The following PATJ variants were observed in gnomAD, a reference collection of about 807,000 sequenced individuals.
The protein encoded by PATJ is PATJ crumbs cell polarity complex component.
In PATJ, 190 loss-of-function variants were observed where a neutral mutation model predicts 224.9. The observed-to-expected ratio is 0.84, with a 90% CI of 0.75 to 0.95. PATJ has a LOEUF of 0.95. Among genes scored for constraint, PATJ ranks in the 40% least tolerant of loss-of-function variants. The pLI, the probability that PATJ is intolerant of heterozygous loss-of-function variation, is 0.00. For synonymous variants in PATJ, 769 were observed against 820.3 expected (o/e 0.94, Z 1.07); for missense variants, 2,121 against 2,270.3 (o/e 0.93, Z 1.34).
intron 34 of PATJ, among the ~76,000 whole-genome samples, chr1:62,110,649 C>T (rs1457879079): frequency 6.6e-6 from 1 of 152,174 alleles, no homozygotes; most frequent in African/African-American, 2.4e-5. Flanking sequence ...TCATACCCTC[C>T]CCGCAGTCTG....
At chr1:62,063,270 C>T (rs1024873458) in intron 31 of PATJ, among the ~76,000 whole-genome samples, 1 of 152,138 alleles carries the variant, frequency 6.6e-6, no homozygotes, top group Non-Finnish European at 1.5e-5. Flanking sequence ...GGAACCTTTC[C>T]ACATTTCTTA....
intron 27 of PATJ, among the ~76,000 whole-genome samples, chr1:61,984,720 G>A (rs75348443): frequency 6.6e-6 from 1 of 152,156 alleles, no homozygotes; most frequent in East Asian, 1.9e-4. Context: ...GAATTAGCTA[G>A]AACATCTATA....
At chr1:61,952,371 C>A in intron 27 of PATJ, 3 of 716,546 alleles carry the variant, frequency 4.2e-6, no homozygotes, top group African/African-American at 1.7e-5. Context: ...AATGCAGATA[C>A]CCTGAAGGGA....
chr1:62,019,986 TAGTG>T (rs1646985439), intron 29 of PATJ, among the ~76,000 whole-genome samples: 1 of 151,614 alleles, frequency 6.6e-6, no homozygotes, highest in African/African-American at 2.4e-5. Context: ...CTGGGCAACA[TAGTG>T]AGACCAAATC....
intron 33 of PATJ, 43 bp downstream of exon 33, chr1:62,084,691 GT>G: frequency 6.3e-7 from 1 of 1,597,934 alleles, no homozygotes; most frequent in Non-Finnish European, 8.5e-7. Context: ...CATAGAACTA[GT>G]TGTTGAGGTT....
intron 24 of PATJ, among the ~76,000 whole-genome samples, chr1:61,907,621 C>T (rs1211054642): frequency 6.6e-6 from 1 of 152,144 alleles, no homozygotes; most frequent in Non-Finnish European, 1.5e-5. Flanking sequence ...TTCCTGTTTC[C>T]TCGGTCCTCT....
At chr1:61,746,094 A>AATATATAT (rs34430786) in intron 1 of PATJ, among the ~76,000 whole-genome samples, 13 of 148,246 alleles carry the variant, frequency 8.8e-5, no homozygotes, top group African/African-American at 3.2e-4. Context: ...ACCACTGGGT[A>AATATATAT]ATATATATAT....
chr1:61,753,103 A>G (rs1645422617), intron 1 of PATJ, among the ~76,000 whole-genome samples: 1 of 152,216 alleles, frequency 6.6e-6, no homozygotes, highest in South Asian at 2.1e-4. Context: ...TTTGTACTCC[A>G]AAGGAAACAA....
intron 27 of PATJ, among the ~76,000 whole-genome samples, chr1:61,988,047 A>AG (rs1395165916): frequency 1.3e-5 from 2 of 152,054 alleles, no homozygotes; most frequent in African/African-American, 2.4e-5. Flanking sequence ...AAAAATTAAA[A>AG]AATTAGCTGG....
At chr1:61,755,854 C>G (rs185355890) in intron 1 of PATJ, among the ~76,000 whole-genome samples, 5 of 152,084 alleles carry the variant, frequency 3.3e-5, no homozygotes, top group Admixed American at 6.5e-5. Flanking sequence ...CAGGCTGGAG[C>G]GCAGTGGCAT....
At chr1:62,159,338 T>G (rs1034502080) in intron 43 of PATJ, among the ~76,000 whole-genome samples, 2 of 152,070 alleles carry the variant, frequency 1.3e-5, no homozygotes, top group African/African-American at 4.8e-5. Flanking sequence ...ATTACAGGCA[T>G]GCGCCATCAC....
At chr1:62,125,825 A>G (rs924316624) in intron 39 of PATJ, among the ~76,000 whole-genome samples, 2 of 151,938 alleles carry the variant, frequency 1.3e-5, no homozygotes, top group African/African-American at 4.8e-5. Flanking sequence ...GCTGGAGTGC[A>G]GTGGTGCAAT....
intron 42 of PATJ, among the ~76,000 whole-genome samples, chr1:62,151,847 G>A (rs1668670401): frequency 6.6e-6 from 1 of 152,164 alleles, no homozygotes; most frequent in East Asian, 1.9e-4. Context: ...TGCCTTTTGA[G>A]CAATAGCATT....
At chr1:61,922,544 C>A (rs576980711) in intron 26 of PATJ, among the ~76,000 whole-genome samples, 1 of 152,210 alleles carries the variant, frequency 6.6e-6, no homozygotes, top group African/African-American at 2.4e-5. Context: ...CAAAAGAGAT[C>A]TCTGGCTTTA....
intron 27 of PATJ, among the ~76,000 whole-genome samples, chr1:61,946,177 AC>A (rs1344602232): frequency 3.9e-5 from 6 of 152,216 alleles, no homozygotes; most frequent in Admixed American, 3.9e-4. Context: ...AAGAGCAAAC[AC>A]ATTCAAAAGC....
At chr1:62,027,636 T>C (rs1346026853) in intron 29 of PATJ, among the ~76,000 whole-genome samples, 1 of 119,436 alleles carries the variant, frequency 8.4e-6, no homozygotes, top group African/African-American at 2.9e-5. Flanking sequence ...TCCTTTTTTT[T>C]TTTTTTTTTT....
At chr1:61,767,042 G>A (rs1024579546) in intron 4 of PATJ, among the ~76,000 whole-genome samples, 16 of 152,124 alleles carry the variant, frequency 1.1e-4, no homozygotes, top group African/African-American at 1.7e-4. Flanking sequence ...GCAGTGAGCC[G>A]AGATTGCGCC....
chr1:61,969,294 T>C (rs757197379), intron 27 of PATJ, among the ~76,000 whole-genome samples: 5 of 152,226 alleles, frequency 3.3e-5, no homozygotes, highest in Non-Finnish European at 5.9e-5. Context: ...TTTTAAGGTA[T>C]GTCCATACTC....
intron 20 of PATJ, among the ~76,000 whole-genome samples, chr1:61,873,786 C>G (rs374499662): frequency 1.9e-4 from 29 of 152,290 alleles, no homozygotes; most frequent in African/African-American, 7.0e-4. Flanking sequence ...GGGAGTTTGC[C>G]TAGGCATGCC....
Sources: gnomAD v4.1 joint callset for allele counts (sites outside exome capture counted in the v4.1 genomes callset) on GRCh38, gnomAD v4.1.1 for gene constraint, MANE v1.5 for transcripts, NCBI Gene and HGNC (gene_info 2026-07-23, HGNC 2026-07-21) for gene names.